The following TACC2 variants were observed in gnomAD, a reference collection of about 807,000 sequenced individuals.
TACC2 encodes transforming acidic coiled-coil-containing protein 2.
TACC2 carries 137 observed loss-of-function variants against 227.3 expected under a neutral mutation model. The observed-to-expected ratio is 0.60, with a 90% confidence interval of 0.52 to 0.69. The LOEUF (loss-of-function observed/expected upper bound fraction) is 0.69. Among genes scored for constraint, TACC2 ranks in the 30% least tolerant of loss-of-function variants. TACC2 has a pLI of 0.00. For missense variants in TACC2, 3,470 were observed against 3,694.4 expected (o/e 0.94, Z 1.57); for synonymous variants, 1,523 against 1,487.5 (o/e 1.02, Z -0.55).
At chr10:122,133,490 T>A (rs1312705415) in intron 6 of TACC2, among the ~76,000 whole-genome samples, 1 of 152,202 alleles carries the variant, frequency 6.6e-6, no homozygotes, top group Non-Finnish European at 1.5e-5. Flanking sequence ...TACACACATG[T>A]ACACGTGTAT....
chr10:122,173,636 C>T (rs1400404662), intron 7 of TACC2, among the ~76,000 whole-genome samples: 1 of 152,238 alleles, frequency 6.6e-6, no homozygotes, highest in Non-Finnish European at 1.5e-5. Flanking sequence ...AGCCCTGCTG[C>T]TGATGGCCCT....
At chr10:122,054,682 A>G (rs542379047) in intron 3 of TACC2, among the ~76,000 whole-genome samples, 169 of 152,252 alleles carry the variant, frequency 1.1e-3, no homozygotes, top group Middle Eastern at 6.8e-3. Context: ...GTGTTTCGAG[A>G]TGACCGGCTT....
chr10:122,082,778 C>G lies in TACC2; in HGVS notation c.278C>G (p.Ser93Cys). The G allele has an allele frequency of 1.2e-6, 2 of 1,613,902 alleles. No individual in the cohort carries two copies. Among genetic ancestry groups the G allele is most frequent in the Non-Finnish European group, 1.7e-6 (2 of 1,180,004 alleles). Residue 93 changes from serine (S) to cysteine (C), a missense_variant, in exon 4 of 23, where the codon TCT becomes TGT. Physicochemically the swap from Ser to Cys is moderately radical, Grantham distance 112 (BLOSUM62 -1). Around this residue, in one of 10 missense-constraint regions of TACC2, gnomAD observed 405 missense variants for 389.6 expected, o/e 1.04. Transcript: ENST00000369005. Reference sequence around the variant, plus strand: ...CAGGGAGCCAGGGGGCCAGAAGGTTCTTTGCTGCCCAGCCCACCACCGTCC... The same window carrying G: ...CAGGGAGCCAGGGGGCCAGAAGGTTGTTTGCTGCCCAGCCCACCACCGTCC... Reference protein sequence around the residue: ...DPQGARGPEGSLLPSPPPSQE... With the variant: ...DPQGARGPEGCLLPSPPPSQE...
At chr10:122,224,489 G>T (rs1220492671) in intron 11 of TACC2, among the ~76,000 whole-genome samples, 1 of 152,150 alleles carries the variant, frequency 6.6e-6, no homozygotes, top group Non-Finnish European at 1.5e-5. Context: ...GACTTTCTCA[G>T]CCTCCCTAAT....
intron 11 of TACC2, among the ~76,000 whole-genome samples, chr10:122,223,805 T>C (rs551934489): frequency 1.3e-5 from 2 of 152,352 alleles, no homozygotes; most frequent in Non-Finnish European, 2.9e-5. Flanking sequence ...ACTGATGCTT[T>C]TTCACAGTGG....
chr10:122,192,481 G>A (rs2094441640), intron 7 of TACC2: 3 of 346,688 alleles, frequency 8.7e-6, no homozygotes, highest in South Asian at 4.4e-5. Flanking sequence ...GGGGATGGAC[G>A]AGTACTCAGG....
chr10:122,130,941 C>T (rs11200421), intron 5 of TACC2, among the ~76,000 whole-genome samples: 1,549 of 152,234 alleles, frequency 0.01, 15 homozygotes, highest in Non-Finnish European at 0.016. Context: ...CAAGAGTTCT[C>T]AGTTTGTGTT....
chr10:122,137,531 A>G (rs1156286035), intron 6 of TACC2, among the ~76,000 whole-genome samples: 2 of 152,152 alleles, frequency 1.3e-5, no homozygotes, highest in Non-Finnish European at 2.9e-5. Flanking sequence ...ACCACTATGT[A>G]TTAAGCAGTG....
At chr10:122,239,758 T>C (rs2095944068) in intron 18 of TACC2, among the ~76,000 whole-genome samples, 1 of 152,044 alleles carries the variant, frequency 6.6e-6, no homozygotes, top group South Asian at 2.1e-4. Context: ...CTAGCTGATG[T>C]GGTAGGATTT....
At chr10:122,104,254 A>G (rs940534047) in intron 5 of TACC2, among the ~76,000 whole-genome samples, 2 of 152,110 alleles carry the variant, frequency 1.3e-5, no homozygotes, top group African/African-American at 4.8e-5. Flanking sequence ...ACCAGTGTCA[A>G]TCATTCATGG....
At chr10:122,112,499 T>C (rs1234048067) in intron 5 of TACC2, among the ~76,000 whole-genome samples, 3 of 152,202 alleles carry the variant, frequency 2.0e-5, no homozygotes, top group Non-Finnish European at 4.4e-5. Context: ...TTAAGCGCCA[T>C]TAATACCACA....
chr10:122,121,082 C>G (rs1044577588), intron 5 of TACC2, among the ~76,000 whole-genome samples: 1 of 152,138 alleles, frequency 6.6e-6, no homozygotes, highest in South Asian at 2.1e-4. Flanking sequence ...TTAATCCACA[C>G]CCCAGTTGAT....
chr10:122,000,728 T>G (rs781674593), intron 1 of TACC2, among the ~76,000 whole-genome samples: 2 of 152,210 alleles, frequency 1.3e-5, no homozygotes, highest in Non-Finnish European at 2.9e-5. Context: ...CTTATTTCAT[T>G]TATTATCCTA....
At position 122,050,469 on chromosome 10, in the gene TACC2, C is replaced by T. The variant is rs138166528; in HGVS notation, c.65C>T (p.Ala22Val). ...RTLSAQTPRS[A>V]QPPGNSQNIK... ...TTATCAGCTCAGACTCCAAGGTCCGCGCAGCCACCCGGGAACAGTCAGAAT... is the reference window on the plus strand; with the variant it reads ...TTATCAGCTCAGACTCCAAGGTCCGTGCAGCCACCCGGGAACAGTCAGAAT... Residue 22 changes from alanine (A) to valine (V), a missense_variant, in exon 3 of 23, where the codon GCG (alanine) becomes GTG (valine). By Grantham distance (64) the Ala-to-Val change is moderately conservative. Around this residue, in one of 10 missense-constraint regions of TACC2, gnomAD observed 405 missense variants for 389.6 expected, o/e 1.04. Transcript: ENST00000369005. The surrounding 1 kb of genome is among the most constrained non-coding windows in gnomAD (Gnocchi z 4.6). 49 of 1,613,950 alleles carry T rather than the reference C, an allele frequency of 3.0e-5. No homozygotes were observed. The highest frequency in any genetic ancestry group is 6.7e-5 in the Admixed American group (4 of 59,986).
At chr10:122,113,788 C>A (rs1459259467) in intron 5 of TACC2, among the ~76,000 whole-genome samples, 1 of 152,244 alleles carries the variant, frequency 6.6e-6, no homozygotes, top group East Asian at 1.9e-4. Flanking sequence ...CAGGGCCGAG[C>A]GCACTTCGGG....
At chr10:121,997,371 TC>T (rs1163246157) in intron 1 of TACC2, among the ~76,000 whole-genome samples, 9 of 152,128 alleles carry the variant, frequency 5.9e-5, no homozygotes, top group Admixed American at 3.9e-4. Flanking sequence ...ACTCTGGGCT[TC>T]TCTACCACTG....
At chr10:122,203,859 C>CTTGG (rs2094990513) in intron 8 of TACC2, among the ~76,000 whole-genome samples, 1 of 150,852 alleles carries the variant, frequency 6.6e-6, no homozygotes, top group Non-Finnish European at 1.5e-5. Flanking sequence ...GCACTCCAGC[C>CTTGG]TTGGCACCAT....
intron 5 of TACC2, among the ~76,000 whole-genome samples, chr10:122,112,557 C>T (rs1471943961): frequency 6.6e-6 from 1 of 152,238 alleles, no homozygotes; most frequent in African/African-American, 2.4e-5. Flanking sequence ...ACAAGCGAGG[C>T]ACCATTTCAC....
intron 7 of TACC2, among the ~76,000 whole-genome samples, chr10:122,184,907 G>T (rs924685695): frequency 6.6e-6 from 1 of 152,086 alleles, no homozygotes; most frequent in Non-Finnish European, 1.5e-5. Context: ...GATAGCGATG[G>T]GGGGTCTGTC....
Sources: gnomAD v4.1 joint callset for allele counts (sites outside exome capture counted in the v4.1 genomes callset) on GRCh38, gnomAD v4.1.1 for gene constraint, gnomAD v4.1.1 regional missense constraint, Gnocchi (gnomAD v3.1) non-coding constraint, MANE v1.5 for transcripts, NCBI Gene and HGNC (gene_info 2026-07-23, HGNC 2026-07-21) for gene names.